The following CEP128 variants were observed in gnomAD, a reference collection of about 807,000 sequenced individuals.
CEP128 encodes centrosomal protein 128kDa.
In CEP128, 132 loss-of-function variants were observed where a neutral mutation model predicts 156.7. That is an observed-to-expected ratio of 0.84 (90% CI 0.73 to 0.97). The LOEUF (loss-of-function observed/expected upper bound fraction) is 0.97, where lower values mean the gene tolerates loss of function less well. Among genes scored for constraint, CEP128 ranks in the 50% least tolerant of loss-of-function variants. The pLI, the probability that CEP128 is intolerant of heterozygous loss-of-function variation, is 0.00. For synonymous variants in CEP128, 469 were observed against 448.9 expected (o/e 1.04, Z -0.57); for missense variants, 1,252 against 1,281.9 (o/e 0.98, Z 0.36).
intron 2 of CEP128, among the ~76,000 whole-genome samples, chr14:80,932,614 T>C (rs1244931187): frequency 6.6e-6 from 1 of 152,116 alleles, no homozygotes; most frequent in African/African-American, 2.4e-5. Flanking sequence ...ACTTTGGGTG[T>C]CACTGTCTCC....
At chr14:80,769,121 A>G (rs1434179135) in intron 16 of CEP128, among the ~76,000 whole-genome samples, 1 of 152,208 alleles carries the variant, frequency 6.6e-6, no homozygotes, top group African/African-American at 2.4e-5. Context: ...TAGAGTTTCA[A>G]ATTATGCATT....
rs754783032 is a variant in CEP128, at chr14:80,792,843, A to G, written c.1477T>C (p.Trp493Arg). The G allele has an allele frequency of 6.2e-7, 1 of 1,614,056 alleles. No individual in the cohort carries two copies. The highest frequency in any genetic ancestry group is 1.7e-5 in the Admixed American group (1 of 59,994). The change falls in exon 14 of 25, where the codon TGG (tryptophan) becomes CGG (arginine). Residue 493 changes from tryptophan (W) to arginine (R), a missense_variant. Trp to Arg is a moderately radical substitution (Grantham distance 101). Coordinates refer to ENST00000555265, the MANE Select transcript of CEP128 (RefSeq NM_152446.5). ...TCTAACTTCTTATGCTTAAGCTTCC[A>G]CTGCCTAATGGATTCTTGAGCTTTC... is the stretch of plus-strand genomic sequence containing the variant. ...KLKAQESIRQ[W>R]KLKHKKLERA...
chr14:80,562,370 A>G (rs1192280669), intron 20 of CEP128, among the ~76,000 whole-genome samples: 3 of 152,182 alleles, frequency 2.0e-5, no homozygotes, highest in Admixed American at 6.5e-5. Context: ...ATGCCAATCA[A>G]CAATAGCTAA....
At chr14:80,647,421 G>A (rs772940074) in intron 19 of CEP128, among the ~76,000 whole-genome samples, 2 of 151,480 alleles carry the variant, frequency 1.3e-5, no homozygotes, top group Non-Finnish European at 2.9e-5. Flanking sequence ...AGAACCTTAC[G>A]TACATACATG....
chr14:80,740,515 TAGA>T (rs1275760677), intron 19 of CEP128, among the ~76,000 whole-genome samples: 1 of 132,778 alleles, frequency 7.5e-6, no homozygotes, highest in Non-Finnish European at 1.7e-5. Flanking sequence ...GATAGATAGA[TAGA>T]TAGATAGATA....
intron 19 of CEP128, among the ~76,000 whole-genome samples, chr14:80,720,504 T>C (rs1014992139): frequency 6.6e-6 from 1 of 152,222 alleles, no homozygotes; most frequent in Non-Finnish European, 1.5e-5. Flanking sequence ...GATCCAAGGC[T>C]TGTTACTTTA....
At chr14:80,514,887 G>A (rs1322895735) in intron 23 of CEP128, among the ~76,000 whole-genome samples, 1 of 152,158 alleles carries the variant, frequency 6.6e-6, no homozygotes, top group African/African-American at 2.4e-5. Flanking sequence ...AGTATTCAAA[G>A]GGAATTGAGT....
chr14:80,729,059 GT>G (rs1371583694), intron 19 of CEP128, among the ~76,000 whole-genome samples: 344 of 16,434 alleles, frequency 0.021, 3 homozygotes, highest in African/African-American at 0.035. Context: ...GCTGGTGGGG[GT>G]GTGTGTGTGT....
intron 8 of CEP128, among the ~76,000 whole-genome samples, chr14:80,891,666 T>C (rs1038669500): frequency 2.6e-5 from 4 of 151,678 alleles, no homozygotes; most frequent in African/African-American, 4.8e-5. Flanking sequence ...ATGAATTTAA[T>C]TGTACATTTT....
rs1435315075 is a variant in CEP128 at position 80,785,251 on chromosome 14, G to A, written c.1855C>T (p.Leu619Phe). 2 of 1,614,118 alleles carry A rather than the reference G, an allele frequency of 1.2e-6. No individual in the cohort carries two copies. The highest frequency in any genetic ancestry group is 2.2e-5 in the South Asian group (2 of 91,084). Residue 619 changes from leucine to phenylalanine, a missense_variant, in exon 15 of 25, where the codon CTC becomes TTC. Leu to Phe is a conservative substitution (Grantham distance 22). Transcript: ENST00000555265. ...KAHLEEEIAE[L>F]KKSQAQDKAK... ...TTGTCCTGGGCCTGGCTCTTCTTGA[G>A]CTCTGCAATTTCTTCCTCCAAGTGA... is the stretch of plus-strand genomic sequence containing the variant.
At chr14:80,897,701 C>A (rs1889410330) in intron 7 of CEP128, among the ~76,000 whole-genome samples, 1 of 152,198 alleles carries the variant, frequency 6.6e-6, no homozygotes, top group Non-Finnish European at 1.5e-5. Context: ...GTCCATCTCT[C>A]TCCTGCTATA....
At position 80,496,881 on chromosome 14, in the gene CEP128, T is replaced by A. The variant is rs1305667717; in HGVS notation, c.*598A>T. The A allele has an allele frequency of 6.6e-6, 1 of 152,268 alleles. No homozygotes were observed. Among genetic ancestry groups the A allele is most frequent in the Non-Finnish European group, 1.5e-5 (1 of 68,092 alleles). The allele number at this position is 152,268 out of a possible 1,614,324, so 9.4% of individuals were successfully genotyped here. ...TCATTTATGAATTCTTTATTGCTAT[T>A]AAAAATGGATGATTGGAAATAATTT... On this transcript the variant is annotated 3_prime_UTR_variant, in exon 25 of 25. Coordinates refer to ENST00000555265, the MANE Select transcript of CEP128 (RefSeq NM_152446.5).
At chr14:80,635,116 C>T (rs975139346) in intron 19 of CEP128, among the ~76,000 whole-genome samples, 9 of 152,196 alleles carry the variant, frequency 5.9e-5, no homozygotes, top group African/African-American at 2.4e-5. Flanking sequence ...CTCGTTCTAG[C>T]TACCTATAAT....
chr14:80,831,472 A>T (rs1228834601), intron 12 of CEP128, among the ~76,000 whole-genome samples, 178 bp from the exon 13 acceptor site: 2 of 152,210 alleles, frequency 1.3e-5, no homozygotes, highest in Non-Finnish European at 2.9e-5. Context: ...AAAAACATAT[A>T]CATTGCTATA....
chr14:80,581,005 A>C (rs1287734100), intron 19 of CEP128, among the ~76,000 whole-genome samples: 3 of 152,174 alleles, frequency 2.0e-5, no homozygotes, highest in Non-Finnish European at 2.9e-5. Flanking sequence ...GCTACATTTG[A>C]CTAAGAGTTT....
chr14:80,911,931 C>T (rs529315365), intron 4 of CEP128, among the ~76,000 whole-genome samples: 5 of 152,132 alleles, frequency 3.3e-5, no homozygotes, highest in African/African-American at 1.2e-4. Context: ...TATAAAACCA[C>T]TCCCGGGCAG....
intron 8 of CEP128, among the ~76,000 whole-genome samples, chr14:80,874,983 C>A (rs920583634): frequency 6.6e-6 from 1 of 152,152 alleles, no homozygotes; most frequent in Non-Finnish European, 1.5e-5. Context: ...GAATAACATG[C>A]AGAAGAAAGA....
intron 10 of CEP128, among the ~76,000 whole-genome samples, chr14:80,838,803 G>A (rs995880929): frequency 6.6e-5 from 10 of 152,136 alleles, no homozygotes; most frequent in African/African-American, 2.2e-4. Flanking sequence ...TAAATTTTTA[G>A]ATGTCTAAAT....
intron 2 of CEP128, among the ~76,000 whole-genome samples, chr14:80,953,379 T>C (rs1442311550): frequency 1.3e-5 from 2 of 150,942 alleles, no homozygotes; most frequent in East Asian, 3.9e-4. Flanking sequence ...AGATCAGGAG[T>C]TCCAGACCAG....
Sources: gnomAD v4.1 joint callset for allele counts (sites outside exome capture counted in the v4.1 genomes callset) on GRCh38, gnomAD v4.1.1 for gene constraint, MANE v1.5 for transcripts, NCBI Gene and HGNC (gene_info 2026-07-23, HGNC 2026-07-21) for gene names.